The following RB1 variants were observed in gnomAD, a reference collection of about 807,000 sequenced individuals.
RB1 encodes the protein retinoblastoma-associated protein.
A neutral mutation model predicts 135.4 loss-of-function variants in RB1; 18 were observed. The observed-to-expected ratio is 0.13, with a 90% CI of 0.09 to 0.20. The LOEUF (loss-of-function observed/expected upper bound fraction) is 0.20. Among genes scored for constraint, RB1 ranks in the 10% least tolerant of loss-of-function variants. The pLI is 1.00. For synonymous variants in RB1, 365 were observed against 373.2 expected (o/e 0.98, Z 0.25); for missense variants, 868 against 1,110.0 (o/e 0.78, Z 3.10).
At chr13:48,456,133 C>A (rs1324713111) in intron 18 of RB1, 71 bp from the exon 19 acceptor site, 1 of 1,599,830 alleles carries the variant, frequency 6.3e-7, no homozygotes, top group Non-Finnish European at 8.5e-7. Flanking sequence ...GGTGTACAAC[C>A]TTGAAGTGTA....
chr13:48,463,199 G>A (rs1361946053), intron 20 of RB1, among the ~76,000 whole-genome samples: 1 of 152,048 alleles, frequency 6.6e-6, no homozygotes, highest in Admixed American at 6.6e-5. Flanking sequence ...GTAAAAACCT[G>A]TGTATCAAAA....
chr13:48,419,405 A>G (rs1221792289), intron 17 of RB1, among the ~76,000 whole-genome samples: 1 of 152,248 alleles, frequency 6.6e-6, no homozygotes, highest in Non-Finnish European at 1.5e-5. Flanking sequence ...AGGGAAGTTT[A>G]TAGCACTAAA....
chr13:48,334,657 A>G (rs1325536362), intron 2 of RB1, among the ~76,000 whole-genome samples: 1 of 152,210 alleles, frequency 6.6e-6, no homozygotes, highest in Admixed American at 6.5e-5. Context: ...ACTTAAATTT[A>G]TGTCAGTTGT....
At chr13:48,450,094 A>ATT (rs386379116) in intron 17 of RB1, among the ~76,000 whole-genome samples, 359 of 117,772 alleles carry the variant, frequency 3.0e-3, no homozygotes, top group East Asian at 0.02. Context: ...ATATATATAT[A>ATT]TTTTTTTTTT....
At chr13:48,440,729 A>G (rs1949228660) in intron 17 of RB1, among the ~76,000 whole-genome samples, 1 of 152,200 alleles carries the variant, frequency 6.6e-6, no homozygotes, top group Non-Finnish European at 1.5e-5. Context: ...CTTTGTTAAA[A>G]GGTAAAAAAG....
intron 17 of RB1, chr13:48,426,865 T>G (rs1301811113): frequency 6.6e-6 from 1 of 152,284 alleles, no homozygotes; most frequent in East Asian, 1.9e-4. Flanking sequence ...TCACGGTTCT[T>G]CAGGCTGTAC....
At chr13:48,354,860 T>A (rs1952576962) in intron 6 of RB1, among the ~76,000 whole-genome samples, 2 of 151,928 alleles carry the variant, frequency 1.3e-5, no homozygotes, top group Admixed American at 1.3e-4. Flanking sequence ...AAACTGGATA[T>A]CCATATGCAG....
In RB1 at chr13:48,429,803, A is replaced by G. The variant is rs561919144; in HGVS notation, c.1696-23190A>G. On this transcript the variant is annotated intron_variant, in intron 17 of 26. Coordinates refer to ENST00000267163, the MANE Select transcript of RB1 (RefSeq NM_000321.3). ...TGGAAAATGTAATGAAAAATATTCAATTTACAGCAATAACAAATAGTACAA... is the reference window on the plus strand; with the variant it reads ...TGGAAAATGTAATGAAAAATATTCAGTTTACAGCAATAACAAATAGTACAA... Among the ~76,000 whole-genome samples the G allele has an allele frequency of 1.8e-4, 27 of 152,324 alleles. 2 individuals carry two copies. The highest frequency in any genetic ancestry group is 6.5e-4 in the African/African-American group (27 of 41,582).
Position 48,362,878 on chromosome 13 carries a change from C to T in RB1, c.782C>T (p.Ala261Val), listed in dbSNP as rs776307088. Residue 261 changes from alanine to valine, a missense_variant, in exon 8 of 27, where the codon GCA becomes GTA. By Grantham distance (64) the Ala-to-Val change is moderately conservative. Transcript: ENST00000267163. ...RTPRRGQNRS[A>V]RIAKQLENDT... ...CCCAGGCGAGGTCAGAACAGGAGTG[C>T]ACGGATAGCAAAACAACTAGAAAAT... 1.9e-6 allele frequency: 3 copies of T among 1,613,798 alleles called. No individual in the cohort carries two copies. Among genetic ancestry groups the T allele is most frequent in the Non-Finnish European group, 2.5e-6 (3 of 1,179,864 alleles).
chr13:48,320,098 C>A, intron 2 of RB1: 1 of 668,982 alleles, frequency 1.5e-6, no homozygotes, highest in South Asian at 1.8e-5. Context: ...CCGCAATGTC[C>A]CGGTCCACGG....
intron 17 of RB1, chr13:48,411,944 C>T (rs779621787): frequency 1.9e-6 from 3 of 1,612,318 alleles, no homozygotes; most frequent in East Asian, 4.5e-5. Flanking sequence ...CATTGTTACC[C>T]TGAGAGTGGG....
chr13:48,378,959 A>C (rs996960330), intron 13 of RB1, among the ~76,000 whole-genome samples: 1 of 152,142 alleles, frequency 6.6e-6, no homozygotes, highest in African/African-American at 2.4e-5. Flanking sequence ...TATATTTCTA[A>C]AATTTGGTTA....
intron 20 of RB1, 28 bp downstream of exon 20, chr13:48,459,861 C>A (rs1593534873): frequency 6.4e-7 from 1 of 1,564,968 alleles, no homozygotes. Flanking sequence ...TTCACCTTCT[C>A]TCCTCCCTAC....
intron 1 of RB1, among the ~76,000 whole-genome samples, chr13:48,306,772 G>T (rs1952084228): frequency 6.6e-6 from 1 of 152,122 alleles, no homozygotes; most frequent in African/African-American, 2.4e-5. Context: ...TAGCCAACAA[G>T]AATTTATTAA....
intron 2 of RB1, among the ~76,000 whole-genome samples, chr13:48,334,310 A>G (rs1952363995): frequency 6.6e-6 from 1 of 152,196 alleles, no homozygotes; most frequent in African/African-American, 2.4e-5. Context: ...TGTCCTTAAC[A>G]CTAGACTGCT....
intron 19 of RB1, 129 bp downstream of exon 19, chr13:48,456,478 C>T (rs1949361107): frequency 1.5e-6 from 2 of 1,333,664 alleles, no homozygotes; most frequent in South Asian, 1.4e-5. Context: ...TCAGTTTCCT[C>T]ATCTATAAAA....
intron 17 of RB1, among the ~76,000 whole-genome samples, chr13:48,399,437 AAAAG>A (rs1272727786): frequency 1.3e-5 from 2 of 152,078 alleles, no homozygotes; most frequent in African/African-American, 4.8e-5. Flanking sequence ...TACAAACAAA[AAAAG>A]ATAGTAATTT....
intron 24 of RB1, among the ~76,000 whole-genome samples, chr13:48,474,740 C>T (rs1347537513): frequency 5.3e-5 from 8 of 152,032 alleles, no homozygotes; most frequent in Admixed American, 5.2e-4. Flanking sequence ...CTAGGAGATC[C>T]AAGGGAAAGC....
intron 17 of RB1, among the ~76,000 whole-genome samples, chr13:48,394,824 G>A (rs1214757156): frequency 6.6e-6 from 1 of 152,242 alleles, no homozygotes; most frequent in Non-Finnish European, 1.5e-5. Flanking sequence ...CACATCTTCA[G>A]CAGACTTAAA....
Sources: gnomAD v4.1 joint callset for allele counts (sites outside exome capture counted in the v4.1 genomes callset) on GRCh38, gnomAD v4.1.1 for gene constraint, MANE v1.5 for transcripts, NCBI Gene and HGNC (gene_info 2026-07-23, HGNC 2026-07-21) for gene names.